KBTBD7: variants seen among roughly 807,000 people sequenced by gnomAD.
KBTBD7 encodes kelch repeat and BTB domain-containing protein 7.
Under a neutral mutation model 50.3 loss-of-function variants are expected in KBTBD7, and 25 were observed. That is an observed-to-expected ratio of 0.50 (90% confidence interval 0.36 to 0.69). The LOEUF (loss-of-function observed/expected upper bound fraction) is 0.69. Among genes scored for constraint, KBTBD7 ranks in the 30% least tolerant of loss-of-function variants. The pLI, the probability that KBTBD7 is intolerant of heterozygous loss-of-function variation, is 0.00. For missense variants in KBTBD7, 653 were observed against 869.5 expected, an observed-to-expected ratio of 0.75 and a Z score of 3.13; for synonymous variants, 305 against 325.3, an observed-to-expected ratio of 0.94 and a Z score of 0.67.
chr13:41,193,533 A>G lies in KBTBD7; in HGVS notation c.725T>C (p.Val242Ala), dbSNP rs1309846186. 6.2e-7 allele frequency: 1 copy of G among 1,614,128 alleles called. No individual in the cohort carries two copies. The highest frequency in any genetic ancestry group is 2.2e-5 in the East Asian group (1 of 44,902). ...DIESERTVCH[V>A]AVQWLEAAAK... is the part of the protein sequence containing the mutation. ...AGCAGCCTCCAGCCACTGCACAGCTACATGGCATACAGTCCGCTCACTCTC... is the reference window on the plus strand; with the variant it reads ...AGCAGCCTCCAGCCACTGCACAGCTGCATGGCATACAGTCCGCTCACTCTC... Residue 242 changes from valine (V) to alanine (A), a missense_variant, in exon 1 of 1, where the codon GTA becomes GCA. Val to Ala is a moderately conservative substitution (Grantham distance 64, BLOSUM62 0). Transcript: ENST00000379483. This position sits in a 1 kb window ranked among gnomAD's most constrained non-coding sequence, Gnocchi z 5.7.
rs898061087 is a variant in KBTBD7 at position 41,191,192 on chromosome 13, T to C, written c.*1011A>G. ...ACAGTAAAGAATAAATCACTTTCTG[T>C]TGAAGAATCCTCTAGGACAAACACC... is the stretch of plus-strand genomic sequence containing the variant. On this transcript the variant is annotated 3_prime_UTR_variant, in exon 1 of 1. Transcript: ENST00000379483. 6.6e-6 allele frequency: 1 copy of C among 152,164 alleles called. No homozygotes were observed. The highest frequency in any genetic ancestry group is 6.5e-5 in the Admixed American group (1 of 15,268). 9.4% of individuals were successfully genotyped at this position (152,164 alleles called of 1,614,324 possible). A position where few individuals can be genotyped will look rare whatever the true frequency, so the allele number is the denominator to read the frequency against.
chr13:41,193,618 GAGTCTCCTCCCGA>G lies in KBTBD7; in HGVS notation c.627_639del (p.Arg210Ter). Reference sequence around the variant, plus strand: ...AGCTGGGCCAGGGTTAGATCTGCTAGAGTCTCCTCCCGAATTGAACCCATTCGGCTGAGCTGCT... The same window carrying G: ...AGCTGGGCCAGGGTTAGATCTGCTAGATTGAACCCATTCGGCTGAGCTGCT... On this transcript the variant is annotated frameshift_variant, in exon 1 of 1. Coordinates refer to ENST00000379483, the MANE Select transcript of KBTBD7 (RefSeq NM_032138.7). LOFTEE classifies it high-confidence loss of function. The surrounding 1 kb of genome is among the most constrained non-coding windows in gnomAD (Gnocchi z 5.7). The G allele has an allele frequency of 6.2e-7, 1 of 1,614,230 alleles. No homozygotes were observed. Among genetic ancestry groups the G allele is most frequent in the East Asian group, 2.2e-5 (1 of 44,880 alleles).
In KBTBD7 at chr13:41,192,477, T is replaced by C; in HGVS notation, c.1781A>G (p.Gln594Arg). ...TAACATGGTACCTATATTAATCCAC[T>C]GATCTTCCCTAGTATCATACTCATA... Reference protein sequence around the residue: ...TVYEYDTREDQWINIGTMLGL... With the variant: ...TVYEYDTREDRWINIGTMLGL... Residue 594 changes from glutamine (Q) to arginine (R), a missense_variant, in exon 1 of 1, where the codon CAG becomes CGG. By Grantham distance (43) the Gln-to-Arg change is conservative. Around this residue, in one of 3 missense-constraint regions of KBTBD7, gnomAD observed 526 missense variants for 717.1 expected, o/e 0.73. Coordinates refer to ENST00000379483, the MANE Select transcript of KBTBD7 (RefSeq NM_032138.7). The C allele has an allele frequency of 6.2e-7, 1 of 1,614,244 alleles. No homozygotes were observed. Among genetic ancestry groups the C allele is most frequent in the Non-Finnish European group, 8.5e-7 (1 of 1,180,032 alleles).
Position 41,192,027 on chromosome 13 carries a change from A to G in KBTBD7, c.*176T>C, listed in dbSNP as rs2031401048. The G allele has an allele frequency of 1.8e-6, 1 of 540,574 alleles. No individual in the cohort carries two copies. The highest frequency in any genetic ancestry group is 3.2e-6 in the Non-Finnish European group (1 of 310,036). 33.5% of individuals were successfully genotyped at this position (540,574 alleles called of 1,614,324 possible). A position where few individuals can be genotyped will look rare whatever the true frequency, so the allele number is the denominator to read the frequency against. On this transcript the variant is annotated 3_prime_UTR_variant, in exon 1 of 1. Coordinates refer to ENST00000379483, the MANE Select transcript of KBTBD7 (RefSeq NM_032138.7). Reference sequence around the variant, plus strand: ...TTTAATTCTGGACTTTCAGGATGGTAAATTATTAAACAGGTCGATTTCATG... The same window carrying G: ...TTTAATTCTGGACTTTCAGGATGGTGAATTATTAAACAGGTCGATTTCATG...
Position 41,194,487 on chromosome 13 carries a change from C to T in KBTBD7, c.-230G>A. The T allele has an allele frequency of 3.3e-6, 2 of 604,578 alleles. No homozygotes were observed. The highest frequency in any genetic ancestry group is 6.3e-5 in the Admixed American group (2 of 31,932). The allele number at this position is 604,578 out of a possible 1,614,324, so 37.5% of individuals were successfully genotyped here. A position where few individuals can be genotyped will look rare whatever the true frequency, so the allele number is the denominator to read the frequency against. ...CGCGCCCTTTCTCCGCCTCCGCTCG[C>T]CCTCACAGGACCCGCTGGCTTGCAG... On this transcript the variant is annotated 5_prime_UTR_variant, in exon 1 of 1. Coordinates refer to ENST00000379483, the MANE Select transcript of KBTBD7 (RefSeq NM_032138.7).
In KBTBD7 at chr13:41,192,621, C is replaced by T. The variant is rs189507322; in HGVS notation, c.1637G>A (p.Arg546Gln). 6.4e-5 allele frequency: 103 copies of T among 1,614,096 alleles called. 2 individuals are homozygous for T. The Admixed American group carries it at 1.0e-3, about 16-fold the overall frequency. ...TGAATCCAAAGGAATATTACTAATC[C>T]GCCTCCATTCTCCCCTAGCTGGGTT... is the stretch of plus-strand genomic sequence containing the variant. ...VYNPARGEWR[R>Q]ISNIPLDSET... is the part of the protein sequence containing the mutation. Residue 546 changes from arginine (R) to glutamine (Q), a missense_variant, in exon 1 of 1, where the codon CGG (arginine) becomes CAG (glutamine). Around this residue, in one of 3 missense-constraint regions of KBTBD7, gnomAD observed 526 missense variants for 717.1 expected, o/e 0.73. Transcript: ENST00000379483.
Position 41,194,465 on chromosome 13 carries a change from GC to G in KBTBD7, c.-209del. ...CTGACTCACCCTCTCTCACTCCCGC[GC>G]CCTTTCTCCGCCTCCGCTCGCCCTC... is the stretch of plus-strand genomic sequence containing the variant. On this transcript the variant is annotated 5_prime_UTR_variant, in exon 1 of 1. Coordinates refer to ENST00000379483, the MANE Select transcript of KBTBD7 (RefSeq NM_032138.7). 1 of 670,346 alleles carries G rather than the reference GC, an allele frequency of 1.5e-6. No homozygotes were observed. The highest frequency in any genetic ancestry group is 2.5e-6 in the Non-Finnish European group (1 of 400,114). 41.5% of individuals were successfully genotyped at this position (670,346 alleles called of 1,614,324 possible). A position where few individuals can be genotyped will look rare whatever the true frequency, so the allele number is the denominator to read the frequency against.
rs1478505964 is a variant in KBTBD7 at position 41,192,366 on chromosome 13, G to T, written c.1892C>A (p.Thr631Asn). Residue 631 changes from threonine (T) to asparagine (N), a missense_variant, in exon 1 of 1, where the codon ACT (threonine) becomes AAT (asparagine). Thr to Asn is a moderately conservative substitution (Grantham distance 65). This residue lies in a region of KBTBD7 where 526 missense variants were observed against 717.1 expected (regional missense o/e 0.73). Transcript: ENST00000379483. ...CTCACTCCGTGCATCATCTTCCTCAGTAATAAAACTCTGACCAGGTTCAAG... is the reference window on the plus strand; with the variant it reads ...CTCACTCCGTGCATCATCTTCCTCATTAATAAAACTCTGACCAGGTTCAAG... ...SCLEPGQSFI[T>N]EEDDARSESS... is the part of the protein sequence containing the mutation. The T allele has an allele frequency of 1.9e-6, 3 of 1,614,026 alleles. No individual in the cohort carries two copies.
rs1168659484 is a variant in KBTBD7, at chr13:41,191,343, A to G, written c.*860T>C. 3.3e-5 allele frequency: 5 copies of G among 150,762 alleles called. No individual in the cohort carries two copies. The East Asian group carries it at 9.7e-4, about 29-fold the overall frequency. 9.3% of individuals were successfully genotyped at this position (150,762 alleles called of 1,614,324 possible). On this transcript the variant is annotated 3_prime_UTR_variant, in exon 1 of 1. Coordinates refer to ENST00000379483, the MANE Select transcript of KBTBD7 (RefSeq NM_032138.7). ...AATTGTTCCTCTGAGTCAGTAAAGC[A>G]TGTATTGGGCATAAATTAAAAACAC...
At position 41,193,128 on chromosome 13, in the gene KBTBD7, G is replaced by A. The variant is rs1238990845; in HGVS notation, c.1130C>T (p.Ala377Val). ...TGAGGAGGTGACAGTCTTAGTGTGA[G>A]CAAAGCTGGTCAAAGGGGATGGCAT... ...YTMPSPLTSF[A>V]HTKTVTSSAV... The change falls in exon 1 of 1, where the codon GCT (alanine) becomes GTT (valine). Residue 377 changes from alanine (A) to valine (V), a missense_variant. Physicochemically the swap from Ala to Val is moderately conservative, Grantham distance 64 (BLOSUM62 0). Coordinates refer to ENST00000379483, the MANE Select transcript of KBTBD7 (RefSeq NM_032138.7). This position sits in a 1 kb window ranked among gnomAD's most constrained non-coding sequence, Gnocchi z 5.7. 1 of 1,614,228 alleles carries A rather than the reference G, an allele frequency of 6.2e-7. No individual in the cohort carries two copies.
Position 41,192,756 on chromosome 13 carries a change from T to C in KBTBD7, c.1502A>G (p.His501Arg), listed in dbSNP as rs766741608. 1 of 1,614,224 alleles carries C rather than the reference T, an allele frequency of 6.2e-7. No homozygotes were observed. Among genetic ancestry groups the C allele is most frequent in the South Asian group, 1.1e-5 (1 of 91,088 alleles). Residue 501 changes from histidine (H) to arginine (R), a missense_variant, in exon 1 of 1, where the codon CAC (histidine) becomes CGC (arginine). Physicochemically the swap from His to Arg is conservative, Grantham distance 29 (BLOSUM62 0). Around this residue, in one of 3 missense-constraint regions of KBTBD7, gnomAD observed 526 missense variants for 717.1 expected, o/e 0.73. Transcript: ENST00000379483. ...SKRMLCYDPSHNMWLNCASLK... is the reference protein window; with the variant it reads ...SKRMLCYDPSRNMWLNCASLK... The stretch of plus-strand genomic sequence containing the variant: ...AGAAGCACAGTTCAGCCACATATTG[T>C]GGCTAGGATCATAGCAAAGCATGCG...
chr13:41,194,318 C>G lies in KBTBD7; in HGVS notation c.-61G>C. ...GCTGCAGGACCAGGCTCTGGCTCCT[C>G]CTCAACCTTCCCTCGCTGACGCTAA... is the stretch of plus-strand genomic sequence containing the variant. On this transcript the variant is annotated 5_prime_UTR_variant, in exon 1 of 1. Transcript: ENST00000379483. 3 of 1,565,194 alleles carry G rather than the reference C, an allele frequency of 1.9e-6. No homozygotes were observed. The highest frequency in any genetic ancestry group is 2.6e-6 in the Non-Finnish European group (3 of 1,156,420).
At position 41,192,950 on chromosome 13, in the gene KBTBD7, G is replaced by A. The variant is rs765568578; in HGVS notation, c.1308C>T (p.Tyr436=). Residue 436 remains tyrosine, a synonymous_variant, in exon 1 of 1, where the codon TAC becomes TAT. Coordinates refer to ENST00000379483, the MANE Select transcript of KBTBD7 (RefSeq NM_032138.7). The stretch of plus-strand genomic sequence containing the variant: ...GGTCTCGTCCCCCCAAAATGTAGAT[G>A]TAGCCATTGAGATATGCCACATCCA... The part of the protein sequence containing the change: ...EGMDVAYLNG[Y]IYILGGRDPI... The A allele has an allele frequency of 8.1e-6, 13 of 1,614,058 alleles. No homozygotes were observed. The highest frequency in any genetic ancestry group is 2.2e-5 in the East Asian group (1 of 44,892).
In KBTBD7 at chr13:41,191,662, C is replaced by T. The variant is rs530618107; in HGVS notation, c.*541G>A. The T allele has an allele frequency of 2.1e-5, 3 of 143,814 alleles. No individual in the cohort carries two copies. Among genetic ancestry groups the T allele is most frequent in the African/African-American group, 7.7e-5 (3 of 39,190 alleles). The allele number at this position is 143,814 out of a possible 1,614,324, so 8.9% of individuals were successfully genotyped here. On this transcript the variant is annotated 3_prime_UTR_variant, in exon 1 of 1. Transcript: ENST00000379483. ...TTATATATATAAATCCAATTTTTTCCTTTGTAGAAGAAAACCAAAATAATT... is the reference window on the plus strand; with the variant it reads ...TTATATATATAAATCCAATTTTTTCTTTTGTAGAAGAAAACCAAAATAATT...
chr13:41,193,880 G>A lies in KBTBD7; in HGVS notation c.378C>T (p.Val126=), dbSNP rs1243281747. The change falls in exon 1 of 1, where the codon GTC becomes GTT. Residue 126 remains valine (V), a synonymous_variant. Coordinates refer to ENST00000379483, the MANE Select transcript of KBTBD7 (RefSeq NM_032138.7). This position sits in a 1 kb window ranked among gnomAD's most constrained non-coding sequence, Gnocchi z 5.7. ...DVDAESFEVL[V]DYCYTGRVSL... ...ACACACGACCCGTGTAGCAGTAGTC[G>A]ACCAACACCTCGAAGGACTCGGCGT... is the stretch of plus-strand genomic sequence containing the variant. 4 of 1,614,148 alleles carry A rather than the reference G, an allele frequency of 2.5e-6. No homozygotes were observed. Among genetic ancestry groups the A allele is most frequent in the Admixed American group, 1.7e-5 (1 of 60,020 alleles).
chr13:41,193,618 G>A lies in KBTBD7; in HGVS notation c.640C>T (p.Leu214=), dbSNP rs778015802. Residue 214 remains leucine, a synonymous_variant, in exon 1 of 1, where the codon CTA becomes TTA. Transcript: ENST00000379483. This position sits in a 1 kb window ranked among gnomAD's most constrained non-coding sequence, Gnocchi z 5.7. ...SRMGSIREET[L]ADLTLAQLLA... ...AGCTGGGCCAGGGTTAGATCTGCTAGAGTCTCCTCCCGAATTGAACCCATT... is the reference window on the plus strand; with the variant it reads ...AGCTGGGCCAGGGTTAGATCTGCTAAAGTCTCCTCCCGAATTGAACCCATT... 2 of 1,614,230 alleles carry A rather than the reference G, an allele frequency of 1.2e-6. No homozygotes were observed. Among genetic ancestry groups the A allele is most frequent in the Non-Finnish European group, 1.7e-6 (2 of 1,180,042 alleles).
Position 41,193,491 on chromosome 13 carries a change from G to A in KBTBD7, c.767C>T (p.Pro256Leu). Residue 256 changes from proline to leucine, a missense_variant, in exon 1 of 1, where the codon CCC (proline) becomes CTC (leucine). Pro to Leu is a moderately conservative substitution (Grantham distance 98). Coordinates refer to ENST00000379483, the MANE Select transcript of KBTBD7 (RefSeq NM_032138.7). The surrounding 1 kb of genome is among the most constrained non-coding windows in gnomAD (Gnocchi z 5.7). ...WLEAAAKERGPSAAEVFKCVR... is the reference protein window; with the variant it reads ...WLEAAAKERGLSAAEVFKCVR... ...GCACTTGAAGACTTCTGCAGCACTG[G>A]GACCCCGCTCTTTGGCAGCAGCCTC... 6.2e-7 allele frequency: 1 copy of A among 1,614,142 alleles called. No homozygotes were observed. The highest frequency in any genetic ancestry group is 8.5e-7 in the Non-Finnish European group (1 of 1,180,028).
Position 41,191,977 on chromosome 13 carries a change from A to G in KBTBD7, c.*226T>C. 2.3e-6 allele frequency: 1 copy of G among 439,784 alleles called. No individual in the cohort carries two copies. The highest frequency in any genetic ancestry group is 4.0e-6 in the Non-Finnish European group (1 of 249,518). 27.2% of individuals were successfully genotyped at this position (439,784 alleles called of 1,614,324 possible). On this transcript the variant is annotated 3_prime_UTR_variant, in exon 1 of 1. Coordinates refer to ENST00000379483, the MANE Select transcript of KBTBD7 (RefSeq NM_032138.7). ...AAAAAACCTACCAAGCATCCTAATC[A>G]ATTATATAGTTCTTGCTTCCATATT...
At position 41,191,767 on chromosome 13, in the gene KBTBD7, A is replaced by G. The variant is rs567461022; in HGVS notation, c.*436T>C. 6.5e-6 allele frequency: 1 copy of G among 153,320 alleles called. No individual in the cohort carries two copies. The highest frequency in any genetic ancestry group is 2.4e-5 in the African/African-American group (1 of 41,544). The allele number at this position is 153,320 out of a possible 1,614,324, so 9.5% of individuals were successfully genotyped here. ...AAATCTACCACTTTATTTTGAAGGAAAGTACACATCCTTCAAAACCCCGCT... is the reference window on the plus strand; with the variant it reads ...AAATCTACCACTTTATTTTGAAGGAGAGTACACATCCTTCAAAACCCCGCT... On this transcript the variant is annotated 3_prime_UTR_variant, in exon 1 of 1. Coordinates refer to ENST00000379483, the MANE Select transcript of KBTBD7 (RefSeq NM_032138.7).
Sources: allele counts gnomAD v4.1 joint callset, GRCh38; gene constraint gnomAD v4.1.1; regional missense constraint gnomAD v4.1.1; non-coding constraint Gnocchi (gnomAD v3.1); transcripts MANE v1.5; gene names NCBI Gene and HGNC (gene_info 2026-07-23, HGNC 2026-07-21).